The following DOK6 variants were observed in gnomAD, a reference collection of about 807,000 sequenced individuals.
The protein encoded by DOK6 is docking protein 6, also known as downstream of tyrosine kinase 6.
Under a neutral mutation model 44.0 loss-of-function variants are expected in DOK6, and 22 were observed. The ratio of observed to expected loss-of-function variants is 0.50; its 90% CI spans 0.36 to 0.71. The LOEUF (loss-of-function observed/expected upper bound fraction) is 0.71, where lower values mean the gene tolerates loss of function less well. DOK6 is among the 30% of genes least tolerant of loss of function. The pLI, the probability that DOK6 is intolerant of heterozygous loss-of-function variation, is 0.00. For synonymous variants in DOK6, 166 were observed against 145.5 expected (o/e 1.14, Z -1.01); for missense variants, 340 against 416.4 (o/e 0.82, Z 1.60).
Position 69,564,514 on chromosome 18 carries a change from A to G in DOK6, c.94A>G (p.Lys32Glu). 6.2e-7 allele frequency: 1 copy of G among 1,613,932 alleles called. No homozygotes were observed. Among genetic ancestry groups the G allele is most frequent in the Non-Finnish European group, 8.5e-7 (1 of 1,179,904 alleles). The change falls in exon 2 of 8, where the codon AAG becomes GAG. Residue 32 changes from lysine (K) to glutamate (E), a missense_variant. Physicochemically the swap from Lys to Glu is moderately conservative, Grantham distance 56. This residue lies in a region of DOK6 where 206 missense variants were observed against 258.6 expected (regional missense o/e 0.80). Coordinates refer to ENST00000382713, the MANE Select transcript of DOK6 (RefSeq NM_152721.6). ...TTTCAGACGATGCTGGTTGGTTTTC[A>G]AGAAGGCTTCTAGCAAAGGACCCAG... The part of the protein sequence containing the change: ...GIFRRCWLVF[K>E]KASSKGPRRL...
intron 1 of DOK6, among the ~76,000 whole-genome samples, chr18:69,503,764 A>G (rs1038391921): frequency 7.9e-5 from 12 of 151,996 alleles, no homozygotes; most frequent in African/African-American, 1.7e-4. Context: ...TAATTTTAAT[A>G]TATTATTTGA....
chr18:69,588,260 C>T (rs537593369), intron 2 of DOK6, among the ~76,000 whole-genome samples: 12 of 152,268 alleles, frequency 7.9e-5, no homozygotes, highest in African/African-American at 2.9e-4. Flanking sequence ...ATAACAGAAA[C>T]CCAACACAAA....
intron 1 of DOK6, among the ~76,000 whole-genome samples, chr18:69,559,742 G>T (rs956232414): frequency 6.6e-5 from 10 of 152,228 alleles, no homozygotes; most frequent in Admixed American, 6.5e-4. Context: ...TCTGGAGTTT[G>T]CAAGTTTGAG....
intron 6 of DOK6, among the ~76,000 whole-genome samples, chr18:69,748,577 C>G (rs1209388961): frequency 6.6e-6 from 1 of 152,116 alleles, no homozygotes. Flanking sequence ...CACTCAAAAC[C>G]ACACAACTAC....
intron 1 of DOK6, among the ~76,000 whole-genome samples, chr18:69,528,376 G>T (rs937897492): frequency 6.6e-6 from 1 of 152,078 alleles, no homozygotes; most frequent in African/African-American, 2.4e-5. Flanking sequence ...CTTAAAGTTA[G>T]TAAAAGGAGG....
At chr18:69,506,730 A>T (rs1358734823) in intron 1 of DOK6, among the ~76,000 whole-genome samples, 1 of 152,102 alleles carries the variant, frequency 6.6e-6, no homozygotes, top group South Asian at 2.1e-4. Context: ...GTGTGGGAAC[A>T]TATTTTAATT....
intron 3 of DOK6, among the ~76,000 whole-genome samples, chr18:69,615,263 C>G (rs1984258999): frequency 6.6e-6 from 1 of 152,150 alleles, no homozygotes; most frequent in Non-Finnish European, 1.5e-5. Flanking sequence ...CTTAGAGTTA[C>G]ATGGTCTGTG....
At chr18:69,416,656 G>C (rs1978348671) in intron 1 of DOK6, among the ~76,000 whole-genome samples, 1 of 152,086 alleles carries the variant, frequency 6.6e-6, no homozygotes, top group South Asian at 2.1e-4. Context: ...ACTTCCTCCA[G>C]ATTGTATGAC....
chr18:69,528,074 A>G (rs1311791979), intron 1 of DOK6, among the ~76,000 whole-genome samples: 1 of 151,370 alleles, frequency 6.6e-6, no homozygotes, highest in Admixed American at 6.6e-5. Context: ...GAGGCAGGAG[A>G]ATGGCTTGAA....
intron 3 of DOK6, among the ~76,000 whole-genome samples, chr18:69,650,367 G>T (rs34739047): frequency 0.32 from 48,033 of 151,794 alleles, 8,907 homozygotes; most frequent in Non-Finnish European, 0.42. Flanking sequence ...CGGGCATAAG[G>T]TTCTGTTCTA....
chr18:69,404,537 A>G (rs908156333), intron 1 of DOK6, among the ~76,000 whole-genome samples: 4 of 152,212 alleles, frequency 2.6e-5, no homozygotes, highest in Admixed American at 6.5e-5. Flanking sequence ...CATCACCATC[A>G]TCACAGTCAT....
intron 7 of DOK6, among the ~76,000 whole-genome samples, chr18:69,834,382 G>A (rs1981984423): frequency 6.6e-6 from 1 of 152,190 alleles, no homozygotes; most frequent in African/African-American, 2.4e-5. Flanking sequence ...GGAAGGGAAA[G>A]TGGAAGAAGG....
At chr18:69,711,543 A>G (rs970707643) in intron 5 of DOK6, among the ~76,000 whole-genome samples, 3 of 152,236 alleles carry the variant, frequency 2.0e-5, no homozygotes, top group Non-Finnish European at 4.4e-5. Flanking sequence ...TACAATTAGT[A>G]TACATGAAAA....
rs1415279876 is a variant in DOK6 at position 69,801,085 on chromosome 18, TTTTGTTTTGTTTTGTTTTG to T, written c.857-40155_857-40137del. Among the ~76,000 whole-genome samples the T allele has an allele frequency of 8.8e-3, 468 of 53,016 alleles. 5 individuals are homozygous for T. The highest frequency in any genetic ancestry group is 8.1e-3 in the East Asian group (20 of 2,478). The allele number at this position is 53,016 out of a possible 152,430, so 34.8% of individuals were successfully genotyped here. A position where few individuals can be genotyped will look rare whatever the true frequency, so the allele number is the denominator to read the frequency against. Reference sequence around the variant, plus strand: ...TGCCCAGCCTTTTTCTTTACTTTGATTTTGTTTTGTTTTGTTTTGTTTTGTTTTGTTTTGTTTTGTTTTG... The same window carrying T: ...TGCCCAGCCTTTTTCTTTACTTTGATTTTTGTTTTGTTTTGTTTTGTTTTG... On this transcript the variant is annotated intron_variant, in intron 7 of 7. Coordinates refer to ENST00000382713, the MANE Select transcript of DOK6 (RefSeq NM_152721.6).
At chr18:69,569,455 C>A (rs527815036) in intron 2 of DOK6, among the ~76,000 whole-genome samples, 2 of 152,242 alleles carry the variant, frequency 1.3e-5, no homozygotes, top group African/African-American at 4.8e-5. Flanking sequence ...GTAACAGAAT[C>A]CAGAGGCTAC....
chr18:69,672,215 T>C (rs910498669), intron 3 of DOK6, among the ~76,000 whole-genome samples: 9 of 151,710 alleles, frequency 5.9e-5, no homozygotes, highest in African/African-American at 2.2e-4. Flanking sequence ...CTTAGAAAAC[T>C]AATCGTACCC....
In DOK6 at chr18:69,421,501, C is replaced by T. The variant is rs894687758; in HGVS notation, c.66+20191C>T. ...CAACTCCCATAGGGTTATTGCAAGA[C>T]GTAAATAAGATAAAATTTGCAAAAT... On this transcript the variant is annotated intron_variant, in intron 1 of 7. Coordinates refer to ENST00000382713, the MANE Select transcript of DOK6 (RefSeq NM_152721.6). Among the ~76,000 whole-genome samples the T allele has an allele frequency of 7.2e-5, 11 of 152,030 alleles. No homozygotes were observed. In the East Asian group the frequency reaches 7.7e-4, roughly 11 times the overall value.
intron 5 of DOK6, among the ~76,000 whole-genome samples, chr18:69,731,179 A>C (rs80233772): frequency 0.011 from 1,651 of 152,262 alleles, 12 homozygotes; most frequent in Middle Eastern, 0.037. Context: ...ATAAATTCAA[A>C]AGTTCTTAAT....
At chr18:69,529,592 A>C (rs75363481) in intron 1 of DOK6, among the ~76,000 whole-genome samples, 203 of 152,376 alleles carry the variant, frequency 1.3e-3, no homozygotes, top group African/African-American at 4.6e-3. Context: ...ACTCCATAAC[A>C]TAATAAATAT....
Sources: gnomAD v4.1 joint callset for allele counts (sites outside exome capture counted in the v4.1 genomes callset) on GRCh38, gnomAD v4.1.1 for gene constraint, gnomAD v4.1.1 regional missense constraint, MANE v1.5 for transcripts, NCBI Gene and HGNC (gene_info 2026-07-23, HGNC 2026-07-21) for gene names.